GNL3L: variants seen among roughly 807,000 people sequenced by gnomAD.
GNL3L encodes G protein nucleolar 3 like, also known as guanine nucleotide-binding protein-like 3-like protein.
In GNL3L, 4 loss-of-function variants were observed where a neutral mutation model predicts 42.9. That is an observed-to-expected ratio of 0.09 (90% confidence interval 0.05 to 0.21). GNL3L has a LOEUF of 0.21. Among genes scored for constraint, GNL3L ranks in the 10% least tolerant of loss-of-function variants. The pLI is 1.00. For missense variants in GNL3L, 412 were observed against 481.7 expected (o/e 0.86, Z 1.36); for synonymous variants, 159 against 176.3 (o/e 0.90, Z 0.78).
At chrX:54,557,330 C>T (rs1029933991) in intron 14 of GNL3L, among the ~76,000 whole-genome samples, 1 of 110,315 alleles carries the variant, frequency 9.1e-6, no homozygotes, top group African/African-American at 3.3e-5. Context: ...GTGGTGTGAT[C>T]TTGGCTCACT....
chrX:54,539,835 C>T (rs1229677766), intron 3 of GNL3L, among the ~76,000 whole-genome samples: 2 of 111,896 alleles, frequency 1.8e-5, no homozygotes, highest in South Asian at 3.7e-4. Flanking sequence ...GAGAGGTCTC[C>T]TGTCAGTCCC....
rs963409368 is a variant in GNL3L, at chrX:54,550,893, C to T, written c.776-70C>T. ...TGGTTACTACCCCTGGCTAGGCCTC[C>T]CTCACACAGGCTGGCCTGAGTGTTC... On this transcript the variant is annotated intron_variant, in intron 9 of 15. Coordinates refer to ENST00000360845, the MANE Select transcript of GNL3L (RefSeq NM_001184819.2). 3.4e-5 allele frequency: 21 copies of T among 624,876 alleles called. No individual in the cohort carries two copies. The African/African-American group carries it at 4.5e-4, about 13-fold the overall frequency. The allele number at this position is 624,876 out of a possible 1,213,427, so 51.5% of individuals were successfully genotyped here.
intron 16 of GNL3L, among the ~76,000 whole-genome samples, chrX:54,616,584 C>T (rs1038807801): frequency 9.0e-6 from 1 of 111,322 alleles, no homozygotes; most frequent in Non-Finnish European, 1.9e-5. Flanking sequence ...TTAGTTTTTT[C>T]CCCCCCTGAA....
chrX:54,612,406 A>G (rs752020311), intron 16 of GNL3L, among the ~76,000 whole-genome samples: 1 of 111,776 alleles, frequency 8.9e-6, no homozygotes, highest in East Asian at 2.8e-4. Context: ...TTTACATTCA[A>G]TGTTAGTATT....
At chrX:54,622,321 G>A (rs780618101), downstream of GNL3L, among the ~76,000 whole-genome samples, 7 of 77,083 alleles carry the variant, frequency 9.1e-5, no homozygotes, top group African/African-American at 1.7e-4. Context: ...GTCTTGCTCC[G>A]TCGCCCAGGC....
At chrX:54,551,140 T>TATCATGGACCATCCCCTGATGCTTTCCCC (rs1924925449) in intron 10 of GNL3L, 90 bp downstream of exon 10, 1 of 555,558 alleles carries the variant, frequency 1.8e-6, no homozygotes. Context: ...TCCCTTTCCT[T>TATCATGGACCATCCCCTGATGCTTTCCCC]ATCATGGACC....
At chrX:54,607,082 CTTCTTTCT>C (rs751343853) in intron 16 of GNL3L, among the ~76,000 whole-genome samples, 477 of 21,985 alleles carry the variant, frequency 0.022, 28 homozygotes, top group Non-Finnish European at 0.031. Flanking sequence ...CTCTTTCTTT[CTTCTTTCT>C]TTCTTTCTTT....
At chrX:54,588,800 T>A (rs1012908959) in intron 16 of GNL3L, among the ~76,000 whole-genome samples, 1 of 111,337 alleles carries the variant, frequency 9.0e-6, no homozygotes, top group Non-Finnish European at 1.9e-5. Flanking sequence ...TCAAAAAAAA[T>A]AAAAAATAAA....
intron 16 of GNL3L, among the ~76,000 whole-genome samples, chrX:54,572,658 G>A (rs1925568272): frequency 9.2e-6 from 1 of 108,506 alleles, no homozygotes; most frequent in African/African-American, 3.4e-5. Flanking sequence ...CTCCCTCCCG[G>A]ATGGGCGGCT....
At position 54,590,817 on chromosome X, in the gene GNL3L, T is replaced by C. The variant is rs191281181; in HGVS notation, c.*46-30028T>C. Among the ~76,000 whole-genome samples, 540 of 110,387 alleles carry C rather than the reference T, an allele frequency of 4.9e-3. 3 individuals carry two copies. The highest frequency in any genetic ancestry group is 9.3e-3 in the Middle Eastern group (2 of 216). ...AGATTTATTTATTTATTTATTTATT[T>C]ATTCATTCATTCATTCATTCATTCA... On this transcript the variant is annotated intron_variant, in intron 16 of 16. Coordinates refer to the GNL3L transcript ENST00000674498.
At chrX:54,642,925 A>G in the GNL3L span, among the ~76,000 whole-genome samples, 1 of 112,039 alleles carries the variant, frequency 8.9e-6, no homozygotes, top group East Asian at 2.8e-4. Flanking sequence ...TATAAACTAA[A>G]AACAAAGTTC....
chrX:54,601,151 A>G (rs753571725), intron 16 of GNL3L, among the ~76,000 whole-genome samples: 30 of 111,070 alleles, frequency 2.7e-4, no homozygotes, highest in African/African-American at 9.5e-4. Context: ...ATAGGTAAAT[A>G]TATAGGAACA....
At chrX:54,577,543 AT>A (rs1047941031) in intron 16 of GNL3L, among the ~76,000 whole-genome samples, 1 of 111,429 alleles carries the variant, frequency 9.0e-6, no homozygotes, top group African/African-American at 3.3e-5. Flanking sequence ...ATAACTGCAA[AT>A]TTATACCTTT....
chrX:54,536,730 A>T (rs1488406847), intron 2 of GNL3L, among the ~76,000 whole-genome samples: 15 of 97,251 alleles, frequency 1.5e-4, no homozygotes, highest in African/African-American at 5.7e-4. Flanking sequence ...GGTTGTAGTG[A>T]GCTCAGGTGG....
At chrX:54,558,389 T>C (rs761529417) in intron 14 of GNL3L, 47 bp from the exon 15 acceptor site, 1 of 933,204 alleles carries the variant, frequency 1.1e-6, no homozygotes, top group South Asian at 2.0e-5. Context: ...CTTTGGAGGT[T>C]CTCTGGGGGT....
chrX:54,599,198 G>A (rs1417965191), intron 16 of GNL3L, among the ~76,000 whole-genome samples: 1 of 111,590 alleles, frequency 9.0e-6, no homozygotes, highest in Admixed American at 9.5e-5. Context: ...AGAAGAGTAT[G>A]GAGTGAAATA....
intron 2 of GNL3L, among the ~76,000 whole-genome samples, chrX:54,534,591 A>G (rs1924365951): frequency 9.0e-6 from 1 of 111,610 alleles, no homozygotes; most frequent in African/African-American, 3.3e-5. Context: ...TTAGGCCTAG[A>G]TGATATTGGT....
chrX:54,624,172 C>T (rs559093966), downstream of GNL3L, among the ~76,000 whole-genome samples: 8 of 111,565 alleles, frequency 7.2e-5, no homozygotes, highest in South Asian at 7.4e-4. Flanking sequence ...TCACCCGCCT[C>T]GGCCTCCCTA....
chrX:54,546,362 A>G (rs745706092), intron 8 of GNL3L, among the ~76,000 whole-genome samples: 2 of 111,566 alleles, frequency 1.8e-5, no homozygotes, highest in African/African-American at 6.5e-5. Context: ...GCTTCCACAA[A>G]TACCCTTGTA....
Sources: gnomAD v4.1 joint callset for allele counts (sites outside exome capture counted in the v4.1 genomes callset) on GRCh38, gnomAD v4.1.1 for gene constraint, MANE v1.5 for transcripts, NCBI Gene and HGNC (gene_info 2026-07-23, HGNC 2026-07-21) for gene names.